The following SYNJ2BP variants were observed in gnomAD, a reference collection of about 807,000 sequenced individuals.
SYNJ2BP encodes synaptojanin-2-binding protein.
In SYNJ2BP, 10 loss-of-function variants were observed where a neutral mutation model predicts 16.9. The observed-to-expected ratio is 0.59, with a 90% confidence interval of 0.36 to 1.00. SYNJ2BP has a LOEUF of 1.00. Ranked by LOEUF, SYNJ2BP falls within the 50% of genes least tolerant of loss-of-function variation. The probability of loss-of-function intolerance (pLI) is 0.01; values close to 1 mark genes in which losing one functional copy is unlikely to be tolerated. For synonymous variants in SYNJ2BP, 54 were observed against 68.4 expected, an observed-to-expected ratio of 0.79 and a Z score of 1.04; for missense variants, 162 against 186.7, an observed-to-expected ratio of 0.87 and a Z score of 0.77.
chr14:70,392,595 T>G (rs181758806), intron 1 of SYNJ2BP, among the ~76,000 whole-genome samples: 9 of 152,280 alleles, frequency 5.9e-5, no homozygotes, highest in Admixed American at 3.9e-4. Flanking sequence ...CCAAACTAGA[T>G]AGTTTGACAG....
At chr14:70,384,212 C>CA (rs1269472085) in intron 2 of SYNJ2BP, among the ~76,000 whole-genome samples, 1 of 152,068 alleles carries the variant, frequency 6.6e-6, no homozygotes, top group Non-Finnish European at 1.5e-5. Context: ...TTACTTAAAT[C>CA]AGCTATCTAA....
intron 1 of SYNJ2BP, among the ~76,000 whole-genome samples, chr14:70,393,733 C>G (rs542432123): frequency 6.6e-6 from 1 of 150,626 alleles, no homozygotes; most frequent in South Asian, 2.1e-4. Flanking sequence ...TTCTCACTCA[C>G]ATAAGTGGGA....
intron 2 of SYNJ2BP, among the ~76,000 whole-genome samples, chr14:70,380,026 C>T (rs1450245381): frequency 6.6e-6 from 1 of 152,140 alleles, no homozygotes; most frequent in Non-Finnish European, 1.5e-5. Flanking sequence ...TTGAACATAA[C>T]CATGTCTGGA....
intron 1 of SYNJ2BP, among the ~76,000 whole-genome samples, chr14:70,401,405 G>C (rs1384238492): frequency 6.6e-6 from 1 of 151,956 alleles, no homozygotes; most frequent in East Asian, 1.9e-4. Context: ...AGACCAGCCT[G>C]GGCAATGTAT....
intron 2 of SYNJ2BP, among the ~76,000 whole-genome samples, chr14:70,379,922 C>T (rs7155564): frequency 0.87 from 132,510 of 152,234 alleles, 57,732 homozygotes; most frequent in East Asian, 0.93. Context: ...AATATAAATG[C>T]AAATGAGATA....
intron 1 of SYNJ2BP, among the ~76,000 whole-genome samples, chr14:70,396,607 T>C (rs1328028093): frequency 6.6e-6 from 1 of 151,376 alleles, no homozygotes; most frequent in Non-Finnish European, 1.5e-5. Context: ...TATATGTATG[T>C]ATATATATGT....
intron 2 of SYNJ2BP, among the ~76,000 whole-genome samples, chr14:70,383,374 A>G (rs555607283): frequency 6.6e-6 from 1 of 152,314 alleles, no homozygotes; most frequent in Non-Finnish European, 1.5e-5. Context: ...TAACTTTCCC[A>G]TAGCACTTGG....
intron 1 of SYNJ2BP, among the ~76,000 whole-genome samples, chr14:70,392,128 T>G (rs1204294705): frequency 6.6e-6 from 1 of 152,212 alleles, no homozygotes; most frequent in African/African-American, 2.4e-5. Flanking sequence ...AACTGCACAC[T>G]CCCTGCTTTG....
chr14:70,374,434 CTGAG>C (rs1447804985), intron 3 of SYNJ2BP, among the ~76,000 whole-genome samples: 2 of 152,158 alleles, frequency 1.3e-5, no homozygotes, highest in Admixed American at 1.3e-4. Flanking sequence ...TCCTTAGCCA[CTGAG>C]TGAGGAAGAG....
chr14:70,395,913 G>A (rs534322071), intron 1 of SYNJ2BP, among the ~76,000 whole-genome samples: 98 of 152,092 alleles, frequency 6.4e-4, no homozygotes, highest in African/African-American at 2.2e-3. Context: ...TGTTTATATT[G>A]CTTAGCATAA....
chr14:70,377,660 TC>T (rs1327526536), intron 2 of SYNJ2BP, among the ~76,000 whole-genome samples: 1 of 152,210 alleles, frequency 6.6e-6, no homozygotes, highest in Non-Finnish European at 1.5e-5. Flanking sequence ...TAGATCTATT[TC>T]CTTTTCAAGG....
chr14:70,398,651 A>AG (rs1322744397), intron 1 of SYNJ2BP, among the ~76,000 whole-genome samples: 1 of 152,196 alleles, frequency 6.6e-6, no homozygotes, highest in Non-Finnish European at 1.5e-5. Context: ...CTGTGGGTGC[A>AG]GGGGGAACCT....
intron 3 of SYNJ2BP, among the ~76,000 whole-genome samples, chr14:70,375,323 T>A (rs1215680363): frequency 6.6e-6 from 1 of 151,608 alleles, no homozygotes; most frequent in East Asian, 1.9e-4. Flanking sequence ...CACCTTAGCA[T>A]CCCAAGTAGC....
intron 1 of SYNJ2BP, among the ~76,000 whole-genome samples, chr14:70,404,191 C>T (rs1888300209): frequency 6.6e-6 from 1 of 151,366 alleles, no homozygotes; most frequent in Non-Finnish European, 1.5e-5. Context: ...AAAAAATTAG[C>T]AGGGCATGGT....
chr14:70,407,774 C>T (rs556863259), intron 1 of SYNJ2BP, among the ~76,000 whole-genome samples: 8 of 152,164 alleles, frequency 5.3e-5, no homozygotes, highest in Admixed American at 2.0e-4. Flanking sequence ...TATTTGCTAT[C>T]GCTTTTCACC....
At chr14:70,412,631 A>ATATATAC (rs1235982664) in intron 1 of SYNJ2BP, among the ~76,000 whole-genome samples, 78 of 149,098 alleles carry the variant, frequency 5.2e-4, no homozygotes, top group South Asian at 1.9e-3. Context: ...TATATATAGT[A>ATATATAC]ACTAGCACAC....
At chr14:70,401,913 C>T (rs923051567) in intron 1 of SYNJ2BP, among the ~76,000 whole-genome samples, 1 of 152,082 alleles carries the variant, frequency 6.6e-6, no homozygotes, top group Non-Finnish European at 1.5e-5. Context: ...GCCTCCCAAA[C>T]AGTTAGGCTT....
chr14:70,380,657 G>GT (rs1340856214), intron 2 of SYNJ2BP, among the ~76,000 whole-genome samples: 7 of 58,140 alleles, frequency 1.2e-4, no homozygotes, highest in Admixed American at 5.1e-4. Flanking sequence ...GCAAGACTCT[G>GT]TCTCAAAAAA....
At chr14:70,403,464 G>A (rs1164305522) in intron 1 of SYNJ2BP, among the ~76,000 whole-genome samples, 1 of 152,128 alleles carries the variant, frequency 6.6e-6, no homozygotes, top group Non-Finnish European at 1.5e-5. Context: ...AGTTTGGCAC[G>A]AGATACAGGT....
Sources: gnomAD v4.1 joint callset for allele counts (sites outside exome capture counted in the v4.1 genomes callset) on GRCh38, gnomAD v4.1.1 for gene constraint, MANE v1.5 for transcripts, NCBI Gene and HGNC (gene_info 2026-07-23, HGNC 2026-07-21) for gene names.